Variants in ANAPC5 observed in about 807,000 individuals in gnomAD.
ANAPC5 encodes the protein anaphase-promoting complex subunit 5.
In ANAPC5, 60 loss-of-function variants were observed where a neutral mutation model predicts 91.3. The ratio of observed to expected loss-of-function variants is 0.66; its 90% CI spans 0.53 to 0.81. The LOEUF (loss-of-function observed/expected upper bound fraction) is 0.81, where lower values mean the gene tolerates loss of function less well. Ranked by LOEUF, ANAPC5 falls within the 40% of genes least tolerant of loss-of-function variation. The pLI is 0.00. For synonymous variants in ANAPC5, 340 were observed against 364.1 expected, an observed-to-expected ratio of 0.93 and a Z score of 0.75; for missense variants, 690 against 931.5, an observed-to-expected ratio of 0.74 and a Z score of 3.37.
intron 15 of ANAPC5, among the ~76,000 whole-genome samples, chr12:121,314,048 T>C (rs1433586825): frequency 6.6e-6 from 1 of 152,148 alleles, no homozygotes; most frequent in East Asian, 1.9e-4. Context: ...ACTATGACCA[T>C]GTGAAATTTA....
intron 11 of ANAPC5, among the ~76,000 whole-genome samples, chr12:121,324,424 A>T (rs959731523): frequency 3.3e-5 from 5 of 152,170 alleles, no homozygotes; most frequent in African/African-American, 1.2e-4. Context: ...CTGGCTGTTG[A>T]AGCCAAACAA....
At chr12:121,311,392 G>A (rs1902162574) in intron 15 of ANAPC5, among the ~76,000 whole-genome samples, 2 of 152,158 alleles carry the variant, frequency 1.3e-5, no homozygotes, top group Non-Finnish European at 2.9e-5. Flanking sequence ...GTTAAAAACC[G>A]TTACAAGAGA....
At chr12:121,341,495 C>CA (rs1482995052) in intron 5 of ANAPC5, among the ~76,000 whole-genome samples, 6 of 151,672 alleles carry the variant, frequency 4.0e-5, no homozygotes, top group African/African-American at 1.2e-4. Context: ...TCAAAAACAA[C>CA]AAAAAAAGAG....
At chr12:121,351,823 T>C (rs544500225) in intron 1 of ANAPC5, among the ~76,000 whole-genome samples, 2 of 152,204 alleles carry the variant, frequency 1.3e-5, no homozygotes, top group South Asian at 4.1e-4. Flanking sequence ...GACTTATCCC[T>C]GTGTCTCCAA....
chr12:121,331,198 C>A, intron 8 of ANAPC5, 149 bp downstream of exon 8: 1 of 570,938 alleles, frequency 1.8e-6, no homozygotes, highest in Non-Finnish European at 3.1e-6. Flanking sequence ...AGATAAGTTG[C>A]CCTTTCTGAA....
At chr12:121,344,903 A>C (rs1269068890) in intron 4 of ANAPC5, among the ~76,000 whole-genome samples, 1 of 152,214 alleles carries the variant, frequency 6.6e-6, no homozygotes, top group Non-Finnish European at 1.5e-5. Flanking sequence ...TAAGTTCCAA[A>C]GGGTTTAGGC....
At chr12:121,317,598 T>C (rs188749344) in intron 15 of ANAPC5, among the ~76,000 whole-genome samples, 1 of 150,898 alleles carries the variant, frequency 6.6e-6, no homozygotes, top group Admixed American at 6.6e-5. Context: ...CTGAGGAAGG[T>C]AGTAAGAAAC....
At chr12:121,337,483 T>C in intron 5 of ANAPC5, 91 bp from the exon 6 acceptor site, 4 of 1,000,478 alleles carry the variant, frequency 4.0e-6, no homozygotes, top group Non-Finnish European at 6.0e-6. Flanking sequence ...TTATTTTCTT[T>C]TCTACAGGGG....
At chr12:121,332,469 T>G (rs782220937) in intron 7 of ANAPC5, 1 of 152,220 alleles carries the variant, frequency 6.6e-6, no homozygotes, top group Non-Finnish European at 1.5e-5. Flanking sequence ...CAAGAGCACT[T>G]CACCTTCACT....
intron 15 of ANAPC5, among the ~76,000 whole-genome samples, chr12:121,312,236 G>A (rs1276466076): frequency 6.6e-6 from 1 of 152,024 alleles, no homozygotes; most frequent in Non-Finnish European, 1.5e-5. Flanking sequence ...AAATCACAAG[G>A]GAAATTAGAA....
intron 16 of ANAPC5, among the ~76,000 whole-genome samples, chr12:121,308,968 G>A (rs1247801579): frequency 6.6e-6 from 1 of 151,882 alleles, no homozygotes; most frequent in Non-Finnish European, 1.5e-5. Flanking sequence ...GGCCAACATG[G>A]TGAAACCTTG....
chr12:121,310,933 C>CCA (rs1902141355), intron 15 of ANAPC5, among the ~76,000 whole-genome samples: 3 of 61,160 alleles, frequency 4.9e-5, no homozygotes, highest in African/African-American at 1.5e-4. Flanking sequence ...GACTCCATCT[C>CCA]AAAAAAAAAA....
At chr12:121,310,705 G>A (rs925732386) in intron 15 of ANAPC5, among the ~76,000 whole-genome samples, 3 of 151,508 alleles carry the variant, frequency 2.0e-5, no homozygotes, top group African/African-American at 4.8e-5. Context: ...AGGTGCAGGC[G>A]GGCAGATCAC....
At chr12:121,320,328 A>T (rs1196355738) in intron 12 of ANAPC5, 57 bp downstream of exon 12, 1 of 1,531,130 alleles carries the variant, frequency 6.5e-7, no homozygotes, top group East Asian at 2.3e-5. Flanking sequence ...ACTTTATATT[A>T]TAATAAAAGC....
intron 15 of ANAPC5, among the ~76,000 whole-genome samples, chr12:121,314,554 C>T (rs1042182064): frequency 9.9e-5 from 15 of 152,020 alleles, no homozygotes; most frequent in Admixed American, 8.5e-4. Flanking sequence ...AAAAAACCCA[C>T]AGCTAGCATG....
rs1555273600 is a variant in ANAPC5, at chr12:121,337,322, A to C, written c.728T>G (p.Leu243Trp). Residue 243 changes from leucine to tryptophan, a missense_variant, in exon 6 of 17, where the codon TTG (leucine) becomes TGG (tryptophan). Around this residue, in one of 5 missense-constraint regions of ANAPC5, gnomAD observed 83 missense variants for 150.8 expected, o/e 0.55. Coordinates refer to ENST00000261819, the MANE Select transcript of ANAPC5 (RefSeq NM_016237.5). ...PASLQKELNN[L>W]LKFNPDFAEA... Reference sequence around the variant, plus strand: ...AGCAAAATCAGGATTAAATTTCAACAAATTGTTTAATTCCTTCTGCAAGGA... The same window carrying C: ...AGCAAAATCAGGATTAAATTTCAACCAATTGTTTAATTCCTTCTGCAAGGA... 1.2e-6 allele frequency: 2 copies of C among 1,613,830 alleles called. No homozygotes were observed. The highest frequency in any genetic ancestry group is 1.7e-6 in the Non-Finnish European group (2 of 1,179,808).
intron 1 of ANAPC5, among the ~76,000 whole-genome samples, 172 bp downstream of exon 1, chr12:121,351,962 T>TA (rs1903908449): frequency 6.6e-6 from 1 of 151,588 alleles, no homozygotes; most frequent in Non-Finnish European, 1.5e-5. Context: ...TGGCCCACCG[T>TA]AAACGCTCAG....
chr12:121,327,344 T>C, intron 10 of ANAPC5, 113 bp from the exon 11 acceptor site: 1 of 1,344,256 alleles, frequency 7.4e-7, no homozygotes, highest in South Asian at 1.4e-5. Context: ...TCACAGGCTC[T>C]GGCTTTCTTG....
Position 121,327,104 on chromosome 12 carries a change from C to T in ANAPC5, c.1432G>A (p.Ala478Thr), listed in dbSNP as rs1555272340. 4 of 1,603,824 alleles carry T rather than the reference C, an allele frequency of 2.5e-6. No individual in the cohort carries two copies. The highest frequency in any genetic ancestry group is 3.4e-6 in the Non-Finnish European group (4 of 1,176,502). Residue 478 changes from alanine to threonine, a missense_variant, in exon 11 of 17, where the codon GCG becomes ACG. By Grantham distance (58) the Ala-to-Thr change is moderately conservative. This residue lies in a region of ANAPC5 where 317 missense variants were observed against 438.7 expected (regional missense o/e 0.72). Coordinates refer to ENST00000261819, the MANE Select transcript of ANAPC5 (RefSeq NM_016237.5). Reference protein sequence around the residue: ...VALCHLAELHAEQGCFAAASE... With the variant: ...VALCHLAELHTEQGCFAAASE... Reference sequence around the variant, plus strand: ...CCCGGCCACCTGCCTACCTGCTCCGCGTGTAGCTCTGCGAGGTGGCAGAGT... The same window carrying T: ...CCCGGCCACCTGCCTACCTGCTCCGTGTGTAGCTCTGCGAGGTGGCAGAGT...
Sources: allele counts gnomAD v4.1 joint callset (sites outside exome capture counted in the v4.1 genomes callset), GRCh38; gene constraint gnomAD v4.1.1; regional missense constraint gnomAD v4.1.1; transcripts MANE v1.5; gene names NCBI Gene and HGNC (gene_info 2026-07-23, HGNC 2026-07-21).